ADGRG4: variants seen among roughly 807,000 people sequenced by gnomAD.
ADGRG4 encodes the protein adhesion G protein-coupled receptor G4, also known as G protein-coupled receptor 112.
ADGRG4 carries 122 observed loss-of-function variants against 126.2 expected under a neutral mutation model. That is an observed-to-expected ratio of 0.97 (90% confidence interval 0.83 to 1.12). The LOEUF is 1.12. ADGRG4 is among the 50% of genes most tolerant of loss of function. ADGRG4 has a pLI of 0.00. For synonymous variants in ADGRG4, 943 were observed against 838.7 expected, an observed-to-expected ratio of 1.12 and a Z score of -2.15; for missense variants, 2,481 against 2,251.8, an observed-to-expected ratio of 1.10 and a Z score of -2.06.
At position 136,383,876 on chromosome X, in the gene ADGRG4, T is replaced by TTC. The variant is rs1556017640; in HGVS notation, c.7777-3864_7777-3863insTC. ...TTTCTTTCTTTCTTTCTTTCTTTCT[T>TTC]CTTTCTTCCTTTCCTTTCCTTTCCT... On this transcript the variant is annotated intron_variant, in intron 15 of 25. Transcript: ENST00000394143. Among the ~76,000 whole-genome samples, 137 of 77,599 alleles carry TTC rather than the reference T, an allele frequency of 1.8e-3. 1 individual carries two copies. The highest frequency in any genetic ancestry group is 6.3e-3 in the Middle Eastern group (1 of 158). 67.4% of individuals were successfully genotyped at this position (77,599 alleles called of 115,157 possible).
intron 3 of ADGRG4, among the ~76,000 whole-genome samples, chrX:136,306,567 C>G (rs952077394): frequency 9.0e-6 from 1 of 110,521 alleles, no homozygotes; most frequent in Non-Finnish European, 1.9e-5. Context: ...TTCCTTTCTC[C>G]TTTCCTTTGA....
intron 12 of ADGRG4, among the ~76,000 whole-genome samples, chrX:136,362,452 C>G (rs2075134203): frequency 9.0e-6 from 1 of 111,702 alleles, no homozygotes; most frequent in African/African-American, 3.3e-5. Flanking sequence ...CAACTATATT[C>G]TACACTGCTG....
Position 136,357,712 on chromosome X carries a change from G to A in ADGRG4, c.6936G>A (p.Gln2312=). 8.4e-7 allele frequency: 1 copy of A among 1,190,284 alleles called. No homozygotes were observed. The highest frequency in any genetic ancestry group is 1.1e-6 in the Non-Finnish European group (1 of 877,138). ...CTTTTCTTTTGCATTAGTTGGAACAGAGAGAAGGACAAGAAATGGCTACAA... is the reference window on the plus strand; with the variant it reads ...CTTTTCTTTTGCATTAGTTGGAACAAAGAGAAGGACAAGAAATGGCTACAA... The part of the protein sequence containing the change: ...EMVMDRAILE[Q]REGQEMATIS... The change falls in exon 10 of 26, where the codon CAG becomes CAA. Residue 2312 remains glutamine (Q), a synonymous_variant. Coordinates refer to ENST00000394143, the MANE Select transcript of ADGRG4 (RefSeq NM_153834.4).
At position 136,371,550 on chromosome X, in the gene ADGRG4, T is replaced by A; in HGVS notation, c.7613+6T>A. ...CTGCATGAAATAAGCAATGAGTAAG[T>A]ACTAATACTTTGGTGAAAGACATTA... On this transcript the variant is annotated splice_donor_region_variant and intron_variant, in intron 14 of 25. Transcript: ENST00000394143. The A allele has an allele frequency of 9.5e-7, 1 of 1,058,165 alleles. No homozygotes were observed. The allele number at this position is 1,058,165 out of a possible 1,213,427, so 87.2% of individuals were successfully genotyped here.
chrX:136,346,900 C>A lies in ADGRG4; in HGVS notation c.3194C>A (p.Pro1065Gln). The part of the protein sequence containing the change: ...SSTTMTTALV[P>Q]PLDQTASTTI... ...ACTACAATGACCACAGCATTGGTACCACCTTTGGATCAGACTGCTTCCACA... is the reference window on the plus strand; with the variant it reads ...ACTACAATGACCACAGCATTGGTACAACCTTTGGATCAGACTGCTTCCACA... Residue 1065 changes from proline (P) to glutamine (Q), a missense_variant, in exon 6 of 26, where the codon CCA (proline) becomes CAA (glutamine). Physicochemically the swap from Pro to Gln is moderately conservative, Grantham distance 76. Coordinates refer to ENST00000394143, the MANE Select transcript of ADGRG4 (RefSeq NM_153834.4). 1 of 1,210,840 alleles carries A rather than the reference C, an allele frequency of 8.3e-7. No individual in the cohort carries two copies.
At position 136,323,281 on chromosome X, in the gene ADGRG4, C is replaced by T. The variant is rs758478115; in HGVS notation, c.574C>T (p.Leu192=). Residue 192 remains leucine (L), a synonymous_variant, in exon 5 of 26, where the codon CTG becomes TTG. Transcript: ENST00000394143. ...CTACTTTCAACTCTGGGACCACATCCTGGAAAACGAAGAGTTTATGAAGTG... is the reference window on the plus strand; with the variant it reads ...CTACTTTCAACTCTGGGACCACATCTTGGAAAACGAAGAGTTTATGAAGTG... ...LYYFQLWDHI[L]ENEEFMKCLD... is the part of the protein sequence containing the mutation. The T allele has an allele frequency of 6.6e-6, 8 of 1,209,041 alleles. No homozygotes were observed. Among genetic ancestry groups the T allele is most frequent in the Admixed American group, 6.6e-5 (3 of 45,610 alleles).
chrX:136,305,085 A>G (rs372908888), intron 3 of ADGRG4, 62 bp downstream of exon 3: 1 of 112,020 alleles, frequency 8.9e-6, no homozygotes. Flanking sequence ...AAGTTAGGGA[A>G]CTAGCCACAA....
chrX:136,312,626 CTAAAATAAAATAAAA>C (rs753116826), intron 4 of ADGRG4, among the ~76,000 whole-genome samples: 2 of 110,447 alleles, frequency 1.8e-5, no homozygotes, highest in Non-Finnish European at 3.8e-5. Flanking sequence ...AACCCTGTCC[CTAAAATAAAATAAAA>C]TAAAATAAAA....
intron 8 of ADGRG4, among the ~76,000 whole-genome samples, 194 bp from the exon 9 acceptor site, chrX:136,355,932 C>T (rs958870729): frequency 8.1e-5 from 9 of 111,691 alleles, no homozygotes; most frequent in African/African-American, 2.9e-4. Flanking sequence ...AAATCAAAGG[C>T]TTGCCACCAT....
intron 5 of ADGRG4, among the ~76,000 whole-genome samples, chrX:136,335,951 A>G (rs1189124353): frequency 2.7e-5 from 3 of 109,252 alleles, no homozygotes. Context: ...GTGGGAGCTG[A>G]GATTATTGTT....
chrX:136,336,548 A>G (rs775114617), intron 5 of ADGRG4, among the ~76,000 whole-genome samples: 4 of 111,491 alleles, frequency 3.6e-5, no homozygotes, highest in Non-Finnish European at 7.5e-5. Context: ...TGCATTTAGG[A>G]TCACCATGTC....
rs1685968720 is a variant in ADGRG4 at position 136,347,116 on chromosome X, C to A, written c.3410C>A (p.Thr1137Asn). The change falls in exon 6 of 26, where the codon ACC (threonine) becomes AAC (asparagine). Residue 1137 changes from threonine to asparagine, a missense_variant. Coordinates refer to ENST00000394143, the MANE Select transcript of ADGRG4 (RefSeq NM_153834.4). ...TTCTCTACCTCAGTTGATACAGTAA[C>A]CCCATCTACACACACTCTTGTCTGC... Reference protein sequence around the residue: ...TLFSTSVDTVTPSTHTLVCSK... With the variant: ...TLFSTSVDTVNPSTHTLVCSK... 5.0e-6 allele frequency: 6 copies of A among 1,209,999 alleles called. No individual in the cohort carries two copies. Among genetic ancestry groups the A allele is most frequent in the Non-Finnish European group, 6.7e-6 (6 of 894,230 alleles).
intron 1 of ADGRG4, 108 bp from the exon 2 acceptor site, chrX:136,304,025 G>A (rs776773594): frequency 1.1e-4 from 12 of 111,209 alleles, no homozygotes; most frequent in African/African-American, 3.6e-4. Flanking sequence ...ATAACATCCC[G>A]TGATAGCCTT....
intron 5 of ADGRG4, among the ~76,000 whole-genome samples, chrX:136,326,508 G>A (rs924152804): frequency 5.4e-5 from 6 of 111,598 alleles, no homozygotes; most frequent in African/African-American, 2.0e-4. Context: ...CCACCGTACA[G>A]GACTATCTCA....
At chrX:136,381,639 G>A (rs776603258) in intron 15 of ADGRG4, among the ~76,000 whole-genome samples, 19 of 110,788 alleles carry the variant, frequency 1.7e-4, no homozygotes, top group South Asian at 7.7e-4. Context: ...ATTAGTCAGA[G>A]TTCTCTAGAG....
At chrX:136,334,100 CTTTCTTTCT>C (rs2074933123) in intron 5 of ADGRG4, among the ~76,000 whole-genome samples, 1 of 32,578 alleles carries the variant, frequency 3.1e-5, no homozygotes, top group Non-Finnish European at 6.0e-5. Context: ...TTCTTTCTTT[CTTTCTTTCT>C]TTCTTTCTTT....
intron 5 of ADGRG4, among the ~76,000 whole-genome samples, chrX:136,331,699 A>T (rs182089769): frequency 1.2e-3 from 130 of 111,388 alleles, no homozygotes; most frequent in African/African-American, 4.1e-3. Flanking sequence ...TCCTGTGCTT[A>T]TGTGCCGTCT....
intron 20 of ADGRG4, among the ~76,000 whole-genome samples, chrX:136,398,879 A>C (rs1251417829): frequency 3.6e-5 from 4 of 112,130 alleles, no homozygotes; most frequent in Non-Finnish European, 7.5e-5. Flanking sequence ...AACAACCCCA[A>C]TTTACATTAA....
Position 136,363,494 on chromosome X carries a change from C to G in ADGRG4, c.7295C>G (p.Thr2432Arg). 8.4e-7 allele frequency: 1 copy of G among 1,189,201 alleles called. No homozygotes were observed. The highest frequency in any genetic ancestry group is 1.1e-6 in the Non-Finnish European group (1 of 876,374). Residue 2432 changes from threonine (T) to arginine (R), a missense_variant, in exon 13 of 26, where the codon ACG becomes AGG. Thr to Arg is a moderately conservative substitution (Grantham distance 71). Coordinates refer to ENST00000394143, the MANE Select transcript of ADGRG4 (RefSeq NM_153834.4). ...TTTTTCAGTTCAATCAGCATCAACA[C>G]GGGCAAATCTCAGTGGGAAAAGCCA... ...ATRFCSISIN[T>R]GKSQWEKPKF...
Sources: allele counts gnomAD v4.1 joint callset (sites outside exome capture counted in the v4.1 genomes callset), GRCh38; gene constraint gnomAD v4.1.1; transcripts MANE v1.5; gene names NCBI Gene and HGNC (gene_info 2026-07-23, HGNC 2026-07-21).